ZNF43: variants seen among roughly 807,000 people sequenced by gnomAD.
The protein encoded by ZNF43 is zinc finger protein 39-like 1 (KOX 27).
Under a neutral mutation model 68.4 loss-of-function variants are expected in ZNF43, and 44 were observed. The observed-to-expected ratio is 0.64, with a 90% CI of 0.51 to 0.83. ZNF43 has a LOEUF of 0.83. Ranked by LOEUF, ZNF43 falls within the 40% of genes least tolerant of loss-of-function variation. The pLI is 0.00. For missense variants in ZNF43, 896 were observed against 933.2 expected, an observed-to-expected ratio of 0.96 and a Z score of 0.52; for synonymous variants, 308 against 307.8, an observed-to-expected ratio of 1.00 and a Z score of -0.01.
intron 1 of ZNF43, among the ~76,000 whole-genome samples, chr19:21,849,096 G>T (rs1453190437): frequency 6.6e-6 from 1 of 152,156 alleles, no homozygotes; most frequent in East Asian, 1.9e-4. Flanking sequence ...CAATTCTAAC[G>T]GTTGGTGGGG....
intron 1 of ZNF43, among the ~76,000 whole-genome samples, chr19:21,831,393 GCT>G (rs1189599247): frequency 6.6e-6 from 1 of 151,262 alleles, no homozygotes. Flanking sequence ...ACGGTGTCTT[GCT>G]CTGTCACCCA....
chr19:21,839,947 A>G (rs1482455868), upstream of ZNF43: 1 of 152,244 alleles, frequency 6.6e-6, no homozygotes, highest in Non-Finnish European at 1.5e-5. Context: ...AAAAAGAAGC[A>G]TCACAACAGC....
chr19:21,848,618 GT>G (rs1332355652), intron 1 of ZNF43, among the ~76,000 whole-genome samples: 3 of 152,006 alleles, frequency 2.0e-5, no homozygotes, highest in African/African-American at 7.2e-5. Context: ...GCTGGGACCA[GT>G]GATATGTTAC....
At chr19:21,814,552 G>A (rs2037431007) in intron 3 of ZNF43, among the ~76,000 whole-genome samples, 1 of 151,832 alleles carries the variant, frequency 6.6e-6, no homozygotes, top group African/African-American at 2.4e-5. Flanking sequence ...TGGGACTACA[G>A]GTGCGTACCA....
chr19:21,852,029 C>G, exon 1 of ZNF43: 1 of 1,393,860 alleles, frequency 7.2e-7, no homozygotes, highest in South Asian at 1.3e-5. Flanking sequence ...CGCGGAAAAG[C>G]AGAGGCGGGT....
At chr19:21,844,042 G>C (rs899534757) in intron 1 of ZNF43, among the ~76,000 whole-genome samples, 1 of 152,016 alleles carries the variant, frequency 6.6e-6, no homozygotes, top group African/African-American at 2.4e-5. Flanking sequence ...TATTACCCGA[G>C]GGCTTTATAC....
At chr19:21,822,202 A>C (rs2037880049) in intron 1 of ZNF43, among the ~76,000 whole-genome samples, 1 of 152,224 alleles carries the variant, frequency 6.6e-6, no homozygotes, top group African/African-American at 2.4e-5. Flanking sequence ...GACACCAGCA[A>C]TTTTTGCTAC....
rs867156458 is a variant in ZNF43, at chr19:21,822,929, C to T, written c.4-3708G>A. On this transcript the variant is annotated intron_variant, in intron 1 of 3. Transcript: ENST00000354959. ...TTGTGTAATTTTAATCTTTTTTAGCCGCTGCCCTGTCAATTTCATAACATA... is the reference window on the plus strand; with the variant it reads ...TTGTGTAATTTTAATCTTTTTTAGCTGCTGCCCTGTCAATTTCATAACATA... Among the ~76,000 whole-genome samples, 5 of 152,156 alleles carry T rather than the reference C, an allele frequency of 3.3e-5. No individual in the cohort carries two copies. The South Asian group carries it at 1.0e-3, about 32-fold the overall frequency.
chr19:21,834,247 A>C (rs1340674234), intron 1 of ZNF43, among the ~76,000 whole-genome samples: 2 of 151,598 alleles, frequency 1.3e-5, no homozygotes, highest in East Asian at 3.9e-4. Context: ...CTGAAGCAAA[A>C]GAATCACTTG....
At chr19:21,830,628 C>T (rs991858594) in intron 1 of ZNF43, among the ~76,000 whole-genome samples, 1 of 145,316 alleles carries the variant, frequency 6.9e-6, no homozygotes, top group Non-Finnish European at 1.5e-5. Flanking sequence ...AGCCTAGAAA[C>T]CAATAAAAAA....
Position 21,836,077 on chromosome 19 carries a change from AT to A in ZNF43, c.-40del. ...GGGGGTCCTGGCGTCTTAGCTGTGG[AT>A]CCCCCAATACCCGCAGGTCACAGAG... On this transcript the variant is annotated 5_prime_UTR_variant, in exon 1 of 4. Coordinates refer to ENST00000354959, the MANE Select transcript of ZNF43 (RefSeq NM_003423.4). 6.2e-7 allele frequency: 1 copy of A among 1,613,400 alleles called. No individual in the cohort carries two copies. The highest frequency in any genetic ancestry group is 8.5e-7 in the Non-Finnish European group (1 of 1,179,550).
At position 21,809,327 on chromosome 19, in the gene ZNF43, T is replaced by A; in HGVS notation, c.710A>T (p.Lys237Ile). Reference protein sequence around the residue: ...EKPYTCEECGKVFNWSSRLTT... With the variant: ...EKPYTCEECGIVFNWSSRLTT... ...AAGGCGTGAGGACCAATTAAAGACT[T>A]TGCCACATTCTTCACATGTGTAGGG... The change falls in exon 4 of 4, where the codon AAA (lysine) becomes ATA (isoleucine). Residue 237 changes from lysine (K) to isoleucine (I), a missense_variant. Physicochemically the swap from Lys to Ile is moderately radical, Grantham distance 102. Transcript: ENST00000354959. The A allele has an allele frequency of 6.2e-7, 1 of 1,613,854 alleles. No homozygotes were observed. The highest frequency in any genetic ancestry group is 8.5e-7 in the Non-Finnish European group (1 of 1,179,916).
At chr19:21,837,626 C>T (rs537255014), upstream of ZNF43, among the ~76,000 whole-genome samples, 24 of 151,578 alleles carry the variant, frequency 1.6e-4, no homozygotes, top group Admixed American at 1.4e-3. Flanking sequence ...TCAGATTACT[C>T]GATAATTAAA....
intron 1 of ZNF43, among the ~76,000 whole-genome samples, chr19:21,820,437 G>A (rs2037764782): frequency 6.6e-6 from 1 of 151,114 alleles, no homozygotes; most frequent in Non-Finnish European, 1.5e-5. Context: ...AATTAGCTGG[G>A]TGCGGTGGCG....
At chr19:21,819,058 G>C (rs2037666654) in intron 2 of ZNF43, 37 bp downstream of exon 2, 1 of 1,584,664 alleles carries the variant, frequency 6.3e-7, no homozygotes, top group Non-Finnish European at 8.5e-7. Context: ...GAAATCTTTA[G>C]GGTATATTAG....
At chr19:21,827,475 C>G (rs1413708809) in intron 1 of ZNF43, among the ~76,000 whole-genome samples, 1 of 145,618 alleles carries the variant, frequency 6.9e-6, no homozygotes, top group Non-Finnish European at 1.5e-5. Context: ...GATTCTCCTG[C>G]CTCAGCCTCC....
chr19:21,820,998 T>G (rs147094883), intron 1 of ZNF43, among the ~76,000 whole-genome samples: 75 of 151,916 alleles, frequency 4.9e-4, no homozygotes, highest in African/African-American at 1.7e-3. Context: ...CACACCTGAC[T>G]AATTTTCTTG....
intron 1 of ZNF43, among the ~76,000 whole-genome samples, chr19:21,828,009 C>G (rs2038220269): frequency 6.6e-6 from 1 of 152,242 alleles, no homozygotes; most frequent in East Asian, 1.9e-4. Flanking sequence ...CTGTTTTTAT[C>G]TGTCCTGTAA....
intron 3 of ZNF43, among the ~76,000 whole-genome samples, chr19:21,810,154 G>A (rs191529093): frequency 1.1e-3 from 169 of 152,210 alleles, no homozygotes; most frequent in Non-Finnish European, 2.1e-3. Flanking sequence ...TGCATATAGC[G>A]GAATACCTGA....
Sources: gnomAD v4.1 joint callset for allele counts (sites outside exome capture counted in the v4.1 genomes callset) on GRCh38, gnomAD v4.1.1 for gene constraint, MANE v1.5 for transcripts, NCBI Gene and HGNC (gene_info 2026-07-23, HGNC 2026-07-21) for gene names.